The following TMEM232 variants were observed in gnomAD, a reference collection of about 807,000 sequenced individuals.
TMEM232 encodes transmembrane protein 232.
TMEM232 carries 80 observed loss-of-function variants against 78.8 expected under a neutral mutation model. That is an observed-to-expected ratio of 1.01 (90% CI 0.85 to 1.22). The LOEUF (loss-of-function observed/expected upper bound fraction) is 1.22. Among genes scored for constraint, TMEM232 ranks in the 50% most tolerant of loss-of-function variants. TMEM232 has a pLI of 0.00. For synonymous variants in TMEM232, 297 were observed against 254.3 expected (o/e 1.17, Z -1.60); for missense variants, 881 against 742.2 (o/e 1.19, Z -2.17).
At chr5:110,465,444 A>G (rs918455865) in intron 12 of TMEM232, among the ~76,000 whole-genome samples, 1 of 152,218 alleles carries the variant, frequency 6.6e-6, no homozygotes, top group Non-Finnish European at 1.5e-5. Context: ...AGGCTGCATA[A>G]TATTTTAGTT....
intron 1 of TMEM232, among the ~76,000 whole-genome samples, chr5:110,701,337 T>C (rs544254623): frequency 1.3e-5 from 2 of 152,074 alleles, no homozygotes; most frequent in East Asian, 3.9e-4. Flanking sequence ...CACTTTTGAA[T>C]ATTAAACAAT....
At chr5:110,573,948 T>G (rs10044786) in intron 10 of TMEM232, among the ~76,000 whole-genome samples, 2,821 of 152,170 alleles carry the variant, frequency 0.019, 106 homozygotes, top group African/African-American at 0.065. Context: ...TTTACTTAGA[T>G]ACACTCTGAA....
At chr5:110,545,277 G>A (rs548750756) in intron 11 of TMEM232, among the ~76,000 whole-genome samples, 34 of 152,098 alleles carry the variant, frequency 2.2e-4, no homozygotes, top group African/African-American at 7.7e-4. Flanking sequence ...TCAAATGCTT[G>A]ATCTGCATGG....
intron 1 of TMEM232, among the ~76,000 whole-genome samples, chr5:110,677,776 T>A (rs1385944829): frequency 6.6e-6 from 1 of 152,170 alleles, no homozygotes; most frequent in Non-Finnish European, 1.5e-5. Flanking sequence ...AGGCAAAAAA[T>A]TTAACATTCT....
intron 5 of TMEM232, among the ~76,000 whole-genome samples, chr5:110,633,094 A>G (rs1452703402): frequency 6.6e-6 from 1 of 152,184 alleles, no homozygotes; most frequent in Non-Finnish European, 1.5e-5. Context: ...CAAGAAAAAA[A>G]ACTTGACACT....
intron 11 of TMEM232, among the ~76,000 whole-genome samples, chr5:110,530,380 G>C (rs1435663929): frequency 6.6e-6 from 1 of 152,126 alleles, no homozygotes; most frequent in African/African-American, 2.4e-5. Context: ...CCACTACTGG[G>C]TATATCCAAA....
chr5:110,721,673 G>GTGTGTATATATATATATATATA (rs146117698), intron 1 of TMEM232, among the ~76,000 whole-genome samples: 1 of 35,440 alleles, frequency 2.8e-5, no homozygotes, highest in Non-Finnish European at 6.2e-5. Flanking sequence ...GTGTGTGTGT[G>GTGTGTATATATATATATATATA]TATATATATA....
At chr5:110,620,569 T>C (rs1459917616) in intron 7 of TMEM232, among the ~76,000 whole-genome samples, 1 of 140,210 alleles carries the variant, frequency 7.1e-6, no homozygotes, top group Admixed American at 7.4e-5. Flanking sequence ...TTGTGGTATG[T>C]CTCTCATATC....
intron 2 of TMEM232, among the ~76,000 whole-genome samples, chr5:110,661,019 T>C (rs1029983446): frequency 6.6e-6 from 1 of 152,182 alleles, no homozygotes; most frequent in Non-Finnish European, 1.5e-5. Flanking sequence ...CTGGTAACCA[T>C]CATTCTACTC....
chr5:110,690,929 A>C (rs1183372976), intron 1 of TMEM232, among the ~76,000 whole-genome samples: 2 of 152,040 alleles, frequency 1.3e-5, no homozygotes, highest in African/African-American at 4.8e-5. Context: ...AACAATGAGA[A>C]CATGTGGACA....
intron 8 of TMEM232, among the ~76,000 whole-genome samples, chr5:110,611,958 A>T (rs928506722): frequency 4.6e-5 from 7 of 152,102 alleles, no homozygotes; most frequent in African/African-American, 1.7e-4. Flanking sequence ...AAGATGTCTG[A>T]TTTGGTTAGC....
chr5:110,668,529 C>T (rs1191068777), intron 1 of TMEM232, among the ~76,000 whole-genome samples: 1 of 152,056 alleles, frequency 6.6e-6, no homozygotes, highest in Admixed American at 6.6e-5. Context: ...GGAAAATATC[C>T]AGCAAAATAT....
At chr5:110,659,997 T>C (rs1789577572) in intron 2 of TMEM232, among the ~76,000 whole-genome samples, 1 of 152,104 alleles carries the variant, frequency 6.6e-6, no homozygotes, top group African/African-American at 2.4e-5. Context: ...GGGTTGTCAA[T>C]GCAATATATG....
intron 9 of TMEM232, 118 bp downstream of exon 9, chr5:110,606,046 T>C: frequency 1.1e-6 from 1 of 908,502 alleles, no homozygotes; most frequent in Non-Finnish European, 1.5e-6. Flanking sequence ...TTAATTAAAT[T>C]TATTATTATA....
intron 1 of TMEM232, among the ~76,000 whole-genome samples, chr5:110,736,144 T>C (rs1405811389): frequency 6.6e-6 from 1 of 152,240 alleles, no homozygotes; most frequent in Non-Finnish European, 1.5e-5. Flanking sequence ...CATGTTTTAA[T>C]TCCTGTGTTA....
intron 1 of TMEM232, among the ~76,000 whole-genome samples, chr5:110,668,780 CG>C (rs199505325): frequency 0.019 from 2,932 of 152,264 alleles, 84 homozygotes; most frequent in African/African-American, 0.068. Flanking sequence ...CAAACTGTCT[CG>C]CAGACCACAG....
chr5:110,560,902 C>T (rs147809462), intron 11 of TMEM232, among the ~76,000 whole-genome samples: 2,037 of 152,174 alleles, frequency 0.013, 44 homozygotes, highest in African/African-American at 0.046. Context: ...ATAATCCCAA[C>T]TTTAATCATC....
chr5:110,400,733 A>G (rs1333179494), intron 2 of TMEM232, among the ~76,000 whole-genome samples: 2 of 152,098 alleles, frequency 1.3e-5, no homozygotes, highest in Non-Finnish European at 1.5e-5. Context: ...ATTTATGGGA[A>G]CAATGATTTT....
intron 11 of TMEM232, among the ~76,000 whole-genome samples, chr5:110,548,896 AT>A (rs1774108684): frequency 6.6e-6 from 1 of 152,060 alleles, no homozygotes; most frequent in African/African-American, 2.4e-5. Flanking sequence ...TTTAAAAATC[AT>A]AATGATTATA....
Sources: gnomAD v4.1 joint callset for allele counts (sites outside exome capture counted in the v4.1 genomes callset) on GRCh38, gnomAD v4.1.1 for gene constraint, MANE v1.5 for transcripts, NCBI Gene and HGNC (gene_info 2026-07-23, HGNC 2026-07-21) for gene names.